Variants in CNTNAP2 observed in about 807,000 individuals in gnomAD.
CNTNAP2 encodes the protein contactin-associated protein-like 2.
In CNTNAP2, 98 loss-of-function variants were observed where a neutral mutation model predicts 155.2. The observed-to-expected ratio is 0.63, with a 90% CI of 0.54 to 0.75. The LOEUF is 0.75. Ranked by LOEUF, CNTNAP2 falls within the 30% of genes least tolerant of loss-of-function variation. CNTNAP2 has a pLI of 0.00. For synonymous variants in CNTNAP2, 651 were observed against 631.2 expected, an observed-to-expected ratio of 1.03 and a Z score of -0.47; for missense variants, 1,727 against 1,688.1, an observed-to-expected ratio of 1.02 and a Z score of -0.40.
At position 148,415,649 on chromosome 7, in the gene CNTNAP2, G is replaced by A; in HGVS notation, c.*33G>A. The stretch of plus-strand genomic sequence containing the variant: ...CTACTTGGCTATGGGATAGGGAGGA[G>A]GGAATTACTAGGGAGGAGAGAAAGG... On this transcript the variant is annotated 3_prime_UTR_variant, in exon 24 of 24. Transcript: ENST00000361727. 1 of 1,611,734 alleles carries A rather than the reference G, an allele frequency of 6.2e-7. No homozygotes were observed. Among genetic ancestry groups the A allele is most frequent in the East Asian group, 2.3e-5 (1 of 43,778 alleles).
intron 13 of CNTNAP2, among the ~76,000 whole-genome samples, chr7:147,745,838 A>G (rs980351913): frequency 1.3e-5 from 2 of 152,238 alleles, no homozygotes; most frequent in Admixed American, 1.3e-4. Flanking sequence ...CTACTAAACT[A>G]AAATTGTTAA....
chr7:147,679,710 T>G (rs1222381949), intron 13 of CNTNAP2, among the ~76,000 whole-genome samples: 1 of 151,908 alleles, frequency 6.6e-6, no homozygotes, highest in East Asian at 1.9e-4. Context: ...ATCTCATGGC[T>G]TCAACAAATT....
At chr7:146,198,073 A>G (rs971599355) in intron 1 of CNTNAP2, among the ~76,000 whole-genome samples, 1 of 152,038 alleles carries the variant, frequency 6.6e-6, no homozygotes, top group East Asian at 1.9e-4. Context: ...CATGGGGGAA[A>G]TCACCCCCAT....
chr7:147,453,970 CTTATTTG>C (rs1271804483), intron 10 of CNTNAP2, among the ~76,000 whole-genome samples: 2 of 151,560 alleles, frequency 1.3e-5, no homozygotes, highest in Non-Finnish European at 2.9e-5. Flanking sequence ...GCCATGTTCT[CTTATTTG>C]TTATTTATAG....
rs944791668 is a variant in CNTNAP2, at chr7:146,384,079, A to G, written c.97+267106A>G. ...GGGCCATACAAGACTCTGGGCATCC[A>G]AAGTCTCCTGCGGAGAAAGGAACAA... On this transcript the variant is annotated intron_variant, in intron 1 of 23. Transcript: ENST00000361727. 2.6e-5 allele frequency among the ~76,000 whole-genome samples: 4 copies of G among 152,312 alleles called. No individual in the cohort carries two copies. In the East Asian group the frequency reaches 7.7e-4, roughly 29 times the overall value.
intron 13 of CNTNAP2, among the ~76,000 whole-genome samples, chr7:147,688,062 A>G (rs191849386): frequency 6.6e-6 from 1 of 152,148 alleles, no homozygotes; most frequent in Non-Finnish European, 1.5e-5. Flanking sequence ...AATGTACTCA[A>G]TCATGATGCG....
At chr7:147,129,936 T>C (rs1329264197) in intron 7 of CNTNAP2, among the ~76,000 whole-genome samples, 4 of 152,188 alleles carry the variant, frequency 2.6e-5, no homozygotes, top group Non-Finnish European at 5.9e-5. Context: ...AAAATAATAA[T>C]AGCTCCATTT....
intron 1 of CNTNAP2, among the ~76,000 whole-genome samples, chr7:146,148,632 A>G (rs1797989446): frequency 2.6e-5 from 4 of 152,170 alleles, no homozygotes; most frequent in Admixed American, 6.6e-5. Flanking sequence ...AGGTATGCAC[A>G]TGAATAATAA....
chr7:146,519,442 A>G (rs1475290214), intron 1 of CNTNAP2, among the ~76,000 whole-genome samples: 4 of 151,868 alleles, frequency 2.6e-5, no homozygotes, highest in Non-Finnish European at 4.4e-5. Context: ...AAATAGCTCT[A>G]TTACCTATAT....
At chr7:148,119,218 A>G (rs1804545069) in intron 16 of CNTNAP2, among the ~76,000 whole-genome samples, 1 of 152,052 alleles carries the variant, frequency 6.6e-6, no homozygotes, top group African/African-American at 2.4e-5. Context: ...CCTTACACTC[A>G]GCATATCAAA....
chr7:147,210,545 A>C (rs1024846052), intron 8 of CNTNAP2, among the ~76,000 whole-genome samples: 3 of 151,718 alleles, frequency 2.0e-5, no homozygotes, highest in Admixed American at 2.0e-4. Context: ...AATATAGCCA[A>C]CTTAATTTCA....
At chr7:146,489,866 T>A (rs1797113286) in intron 1 of CNTNAP2, among the ~76,000 whole-genome samples, 1 of 152,028 alleles carries the variant, frequency 6.6e-6, no homozygotes, top group Non-Finnish European at 1.5e-5. Context: ...GGGCTCAGAA[T>A]AGGGGAGTGT....
chr7:146,525,574 A>ATCTATCTATCTC (rs1199614082), intron 1 of CNTNAP2, among the ~76,000 whole-genome samples: 1 of 132,636 alleles, frequency 7.5e-6, no homozygotes, highest in Non-Finnish European at 1.5e-5. Flanking sequence ...CTATCTATCT[A>ATCTATCTATCTC]TCTCTCTATC....
chr7:148,053,141 A>C (rs2116497829), intron 15 of CNTNAP2, among the ~76,000 whole-genome samples: 1 of 152,212 alleles, frequency 6.6e-6, no homozygotes, highest in East Asian at 1.9e-4. Context: ...ATTATGATAG[A>C]ACACTGATAG....
At chr7:146,713,942 A>G (rs980539360) in intron 1 of CNTNAP2, among the ~76,000 whole-genome samples, 10 of 152,174 alleles carry the variant, frequency 6.6e-5, no homozygotes, top group Non-Finnish European at 1.5e-4. Flanking sequence ...TATGTATATA[A>G]AAAGTAAGGT....
chr7:147,329,028 C>G (rs1795509214), intron 9 of CNTNAP2, among the ~76,000 whole-genome samples: 1 of 152,120 alleles, frequency 6.6e-6, no homozygotes, highest in Non-Finnish European at 1.5e-5. Context: ...GAAGGCACCT[C>G]TCCTCATCTG....
chr7:147,942,344 G>A (rs1056793993), intron 14 of CNTNAP2, among the ~76,000 whole-genome samples: 1 of 140,658 alleles, frequency 7.1e-6, no homozygotes, highest in Non-Finnish European at 1.6e-5. Flanking sequence ...AGTTAAGTTC[G>A]TTGTAGAAGT....
chr7:146,788,728 C>T (rs1802621919), intron 2 of CNTNAP2, among the ~76,000 whole-genome samples: 2 of 152,158 alleles, frequency 1.3e-5, no homozygotes, highest in Admixed American at 1.3e-4. Flanking sequence ...GTTTAAGCTT[C>T]CTGTCCTTTG....
intron 9 of CNTNAP2, among the ~76,000 whole-genome samples, chr7:147,351,146 T>A (rs1229909457): frequency 6.6e-6 from 1 of 151,842 alleles, no homozygotes; most frequent in African/African-American, 2.4e-5. Context: ...TGTATTTGGT[T>A]GGGTAAAAGT....
Sources: allele counts gnomAD v4.1 joint callset (sites outside exome capture counted in the v4.1 genomes callset), GRCh38; gene constraint gnomAD v4.1.1; transcripts MANE v1.5; gene names NCBI Gene and HGNC (gene_info 2026-07-23, HGNC 2026-07-21).